Variants in GALNT17 observed in about 807,000 individuals in gnomAD.
GALNT17 encodes UDP-GalNAc:polypeptide N-acetylgalactosaminyltransferase-like 3.
A neutral mutation model predicts 63.7 loss-of-function variants in GALNT17; 29 were observed. That is an observed-to-expected ratio of 0.46 (90% CI 0.34 to 0.62). The LOEUF is 0.62. Ranked by LOEUF, GALNT17 falls within the 20% of genes least tolerant of loss-of-function variation. The probability of loss-of-function intolerance (pLI) is 0.01; values close to 1 mark genes in which losing one functional copy is unlikely to be tolerated. For synonymous variants in GALNT17, 305 were observed against 318.3 expected, an observed-to-expected ratio of 0.96 and a Z score of 0.45; for missense variants, 603 against 799.6, an observed-to-expected ratio of 0.75 and a Z score of 2.97.
At chr7:71,573,879 T>C (rs1428679922) in intron 6 of GALNT17, among the ~76,000 whole-genome samples, 1 of 152,154 alleles carries the variant, frequency 6.6e-6, no homozygotes, top group Non-Finnish European at 1.5e-5. Context: ...TTCTTTGTGA[T>C]GATATGTGCT....
At chr7:71,666,633 A>G (rs1168688129) in intron 7 of GALNT17, among the ~76,000 whole-genome samples, 2 of 151,988 alleles carry the variant, frequency 1.3e-5, no homozygotes, top group African/African-American at 4.8e-5. Context: ...TAGCTCCCAC[A>G]TATCAATGAA....
intron 1 of GALNT17, chr7:71,300,524 A>G (rs1291853038): frequency 4.8e-6 from 2 of 416,182 alleles, no homozygotes; most frequent in South Asian, 1.7e-5. Flanking sequence ...TCTCATCCTA[A>G]TAAGTGAGAA....
intron 5 of GALNT17, among the ~76,000 whole-genome samples, chr7:71,459,002 G>A (rs1229184638): frequency 6.6e-6 from 1 of 152,050 alleles, no homozygotes; most frequent in Non-Finnish European, 1.5e-5. Context: ...CTGGGGAACC[G>A]CCCTCTTCTA....
At chr7:71,476,931 G>A (rs113935343) in intron 5 of GALNT17, among the ~76,000 whole-genome samples, 30 of 152,244 alleles carry the variant, frequency 2.0e-4, no homozygotes, top group African/African-American at 6.0e-4. Context: ...AGGGGGAGGC[G>A]CCAGGAGCCC....
intron 1 of GALNT17, among the ~76,000 whole-genome samples, chr7:71,256,225 G>T (rs966111708): frequency 6.6e-6 from 1 of 152,150 alleles, no homozygotes; most frequent in Admixed American, 6.5e-5. Flanking sequence ...GATCCAACCA[G>T]TGCACAGCTT....
intron 5 of GALNT17, among the ~76,000 whole-genome samples, chr7:71,560,707 G>C (rs957296972): frequency 6.6e-6 from 1 of 152,188 alleles, no homozygotes; most frequent in African/African-American, 2.4e-5. Flanking sequence ...ATCGCTGGGG[G>C]AGGTCTGTCA....
At chr7:71,182,962 G>A (rs1329216603) in intron 1 of GALNT17, among the ~76,000 whole-genome samples, 1 of 152,186 alleles carries the variant, frequency 6.6e-6, no homozygotes, top group Non-Finnish European at 1.5e-5. Context: ...CCCTTTGGAT[G>A]CAGAGGGCAA....
chr7:71,328,746 G>A (rs1180149777), intron 1 of GALNT17, among the ~76,000 whole-genome samples: 2 of 151,710 alleles, frequency 1.3e-5, no homozygotes, highest in Non-Finnish European at 1.5e-5. Flanking sequence ...TAATTCACAG[G>A]TGTCACATCG....
At position 71,585,506 on chromosome 7, in the gene GALNT17, G is replaced by C. The variant is rs574659791; in HGVS notation, c.1080+14104G>C. Among the ~76,000 whole-genome samples, 4 of 152,264 alleles carry C rather than the reference G, an allele frequency of 2.6e-5. No individual in the cohort carries two copies. In the East Asian group the frequency reaches 7.7e-4, roughly 29 times the overall value. On this transcript the variant is annotated intron_variant, in intron 6 of 10. Transcript: ENST00000333538. ...AAATACAATTCAAACCAGGAAAGCA[G>C]GATAAATGCTTGATTTCTTCTTTTT...
chr7:71,249,316 C>T (rs1416997090), intron 1 of GALNT17, among the ~76,000 whole-genome samples: 3 of 152,050 alleles, frequency 2.0e-5, no homozygotes, highest in Non-Finnish European at 2.9e-5. Flanking sequence ...TTTTTTCTCT[C>T]GTTAATTTTG....
chr7:71,712,044 G>A lies in GALNT17; in HGVS notation c.1695G>A (p.Thr565=), dbSNP rs371626273. ...IQNGAIMNKG[T]GRCLEVENRG... is the part of the protein sequence containing the mutation. Reference sequence around the variant, plus strand: ...ATGGAGCCATCATGAACAAGGGCACGGGACGCTGCCTGGAGGTGGAGAACC... The same window carrying A: ...ATGGAGCCATCATGAACAAGGGCACAGGACGCTGCCTGGAGGTGGAGAACC... The change falls in exon 11 of 11, where the codon ACG becomes ACA. Residue 565 remains threonine, a synonymous_variant. Coordinates refer to ENST00000333538, the MANE Select transcript of GALNT17 (RefSeq NM_022479.3). 28 of 1,613,816 alleles carry A rather than the reference G, an allele frequency of 1.7e-5. No individual in the cohort carries two copies. Among genetic ancestry groups the A allele is most frequent in the East Asian group, 4.5e-5 (2 of 44,876 alleles).
At chr7:71,579,241 T>A (rs1429284327) in intron 6 of GALNT17, among the ~76,000 whole-genome samples, 1 of 152,184 alleles carries the variant, frequency 6.6e-6, no homozygotes, top group Non-Finnish European at 1.5e-5. Context: ...GCCTTGAGAT[T>A]TCACAAACTG....
At chr7:71,678,148 T>G (rs1237675674) in intron 9 of GALNT17, among the ~76,000 whole-genome samples, 1 of 151,700 alleles carries the variant, frequency 6.6e-6, no homozygotes, top group African/African-American at 2.4e-5. Flanking sequence ...TTTTTTAGAC[T>G]GAGTCTTTCT....
chr7:71,524,238 TATA>T (rs899496583), intron 5 of GALNT17, among the ~76,000 whole-genome samples: 64 of 147,682 alleles, frequency 4.3e-4, no homozygotes, highest in South Asian at 8.4e-4. Context: ...ATATTATATA[TATA>T]ATAATAATAT....
intron 9 of GALNT17, among the ~76,000 whole-genome samples, chr7:71,710,452 G>A (rs1413778171): frequency 2.0e-5 from 3 of 152,178 alleles, no homozygotes; most frequent in Non-Finnish European, 2.9e-5. Context: ...AGGTTGCAGT[G>A]AGCTGAGATC....
chr7:71,424,041 CT>C (rs1240235116), intron 5 of GALNT17, among the ~76,000 whole-genome samples: 2 of 152,186 alleles, frequency 1.3e-5, no homozygotes, highest in East Asian at 3.9e-4. Context: ...AGAAGGTAAT[CT>C]TTTGGGTCTA....
At chr7:71,335,471 T>C in intron 1 of GALNT17, 79 bp from the exon 2 acceptor site, 2 of 1,345,260 alleles carry the variant, frequency 1.5e-6, no homozygotes, top group Non-Finnish European at 2.0e-6. Flanking sequence ...AAATGTCTGT[T>C]GAAGCTGCAG....
chr7:71,491,483 G>T (rs73367533), intron 5 of GALNT17, among the ~76,000 whole-genome samples: 7,191 of 152,240 alleles, frequency 0.047, 592 homozygotes, highest in African/African-American at 0.17. Context: ...ACCCTGCCTT[G>T]TTCCAAGGAA....
At chr7:71,304,408 C>G (rs1242061221) in intron 1 of GALNT17, among the ~76,000 whole-genome samples, 1 of 152,188 alleles carries the variant, frequency 6.6e-6, no homozygotes, top group African/African-American at 2.4e-5. Context: ...GTCTCTTCCC[C>G]TTTGCCCCTT....
Sources: allele counts gnomAD v4.1 joint callset (sites outside exome capture counted in the v4.1 genomes callset), GRCh38; gene constraint gnomAD v4.1.1; transcripts MANE v1.5; gene names NCBI Gene and HGNC (gene_info 2026-07-23, HGNC 2026-07-21).